Variants in LRP1B observed in about 807,000 individuals in gnomAD.
The protein encoded by LRP1B is low-density lipoprotein receptor-related protein 1B.
A neutral mutation model predicts 556.6 loss-of-function variants in LRP1B; 217 were observed. The ratio of observed to expected loss-of-function variants is 0.39; its 90% CI spans 0.35 to 0.44. The LOEUF (loss-of-function observed/expected upper bound fraction) is 0.44. Among genes scored for constraint, LRP1B ranks in the 20% least tolerant of loss-of-function variants. LRP1B has a pLI of 1.00. For missense variants in LRP1B, 5,053 were observed against 5,620.8 expected (o/e 0.90, Z 3.23); for synonymous variants, 2,047 against 1,865.8 (o/e 1.10, Z -2.50).
At chr2:140,800,520 T>C (rs1328724776) in intron 32 of LRP1B, among the ~76,000 whole-genome samples, 3 of 152,182 alleles carry the variant, frequency 2.0e-5, no homozygotes, top group African/African-American at 7.2e-5. Flanking sequence ...TCTTAGGGGA[T>C]TGCTGCGAGA....
At chr2:140,878,912 C>A (rs1228240480) in intron 25 of LRP1B, among the ~76,000 whole-genome samples, 6 of 151,166 alleles carry the variant, frequency 4.0e-5, no homozygotes, top group Non-Finnish European at 7.4e-5. Context: ...TTGCTTGAAC[C>A]CGGGAGGCAG....
At chr2:141,939,812 C>T (rs1700743419) in intron 1 of LRP1B, among the ~76,000 whole-genome samples, 1 of 152,012 alleles carries the variant, frequency 6.6e-6, no homozygotes, top group Non-Finnish European at 1.5e-5. Context: ...TTGGCAAACA[C>T]TACAATAAGG....
At chr2:141,996,530 C>T (rs898381322) in intron 1 of LRP1B, among the ~76,000 whole-genome samples, 71 of 152,220 alleles carry the variant, frequency 4.7e-4, no homozygotes, top group African/African-American at 1.3e-3. Context: ...TAAACTGTAG[C>T]CATTGAGAGC....
rs1042968737 is a variant in LRP1B, at chr2:141,169,670, C to G, written c.1013+18751G>C. 4.0e-5 allele frequency among the ~76,000 whole-genome samples: 6 copies of G among 151,820 alleles called. No homozygotes were observed. The East Asian group carries it at 1.2e-3, about 30-fold the overall frequency. ...TTTGAGACTTCATCACTTAATGTAT[C>G]AAAATGGACAACTGGAAGCAACCAG... is the stretch of plus-strand genomic sequence containing the variant. On this transcript the variant is annotated intron_variant, in intron 7 of 90. Transcript: ENST00000389484.
At chr2:141,514,036 C>T (rs1425314794) in intron 2 of LRP1B, among the ~76,000 whole-genome samples, 1 of 152,178 alleles carries the variant, frequency 6.6e-6, no homozygotes, top group East Asian at 1.9e-4. Flanking sequence ...GACTCTGCCT[C>T]CTCTCAGTTC....
intron 3 of LRP1B, among the ~76,000 whole-genome samples, chr2:141,329,915 C>T (rs537316298): frequency 1.3e-5 from 2 of 152,118 alleles, no homozygotes; most frequent in South Asian, 4.2e-4. Context: ...TTTGTGTCTA[C>T]CTACTCTACG....
At chr2:141,712,923 C>T (rs551952569) in intron 2 of LRP1B, among the ~76,000 whole-genome samples, 1 of 148,858 alleles carries the variant, frequency 6.7e-6, no homozygotes, top group South Asian at 2.2e-4. Context: ...CATGACCTGC[C>T]TGCCTCAGCC....
rs538481231 is a variant in LRP1B, at chr2:140,266,366, T to C, written c.13247+3876A>G. On this transcript the variant is annotated intron_variant, in intron 86 of 90. Coordinates refer to ENST00000389484, the MANE Select transcript of LRP1B (RefSeq NM_018557.3). ...TCATTGGCACTCTACTCCTTTGATTTGTAGGAATCTACTCTTCAGTAAATC... is the reference window on the plus strand; with the variant it reads ...TCATTGGCACTCTACTCCTTTGATTCGTAGGAATCTACTCTTCAGTAAATC... Among the ~76,000 whole-genome samples, 4 of 152,200 alleles carry C rather than the reference T, an allele frequency of 2.6e-5. No individual in the cohort carries two copies. In the South Asian group the frequency reaches 8.3e-4, roughly 32 times the overall value.
At chr2:141,445,004 A>G (rs182760653) in intron 3 of LRP1B, among the ~76,000 whole-genome samples, 9 of 152,274 alleles carry the variant, frequency 5.9e-5, no homozygotes, top group African/African-American at 1.9e-4. Context: ...AAGGAATGGT[A>G]TCAGCTCCTC....
At chr2:140,561,006 A>T (rs1187633672) in intron 43 of LRP1B, among the ~76,000 whole-genome samples, 1 of 152,072 alleles carries the variant, frequency 6.6e-6, no homozygotes, top group Non-Finnish European at 1.5e-5. Context: ...TGAAGACCTC[A>T]GAAGCAGCCT....
intron 7 of LRP1B, among the ~76,000 whole-genome samples, chr2:141,106,346 G>A (rs1465526255): frequency 6.6e-6 from 1 of 152,048 alleles, no homozygotes; most frequent in Non-Finnish European, 1.5e-5. Context: ...GCTAAGTAAG[G>A]AAAACACCTA....
intron 41 of LRP1B, among the ~76,000 whole-genome samples, chr2:140,636,549 T>C (rs924872396): frequency 3.3e-5 from 5 of 152,170 alleles, no homozygotes; most frequent in Non-Finnish European, 5.9e-5. Context: ...AGTTACAACT[T>C]AAATCTCATT....
chr2:140,493,369 G>A (rs571232206), intron 56 of LRP1B, among the ~76,000 whole-genome samples: 3 of 151,988 alleles, frequency 2.0e-5, no homozygotes, highest in East Asian at 1.9e-4. Flanking sequence ...CATTCTCAAC[G>A]TACAGGAGAC....
At chr2:140,378,372 T>C (rs1408038384) in intron 67 of LRP1B, 86 bp from the exon 68 acceptor site, 2 of 684,758 alleles carry the variant, frequency 2.9e-6, no homozygotes, top group African/African-American at 3.6e-5. Context: ...GAGGTAGCAT[T>C]AAAGAAAAAA....
chr2:141,401,163 A>T (rs1274499453), intron 3 of LRP1B, among the ~76,000 whole-genome samples: 1 of 152,192 alleles, frequency 6.6e-6, no homozygotes, highest in Non-Finnish European at 1.5e-5. Flanking sequence ...ATACTGATTT[A>T]TAATTACCCT....
intron 3 of LRP1B, among the ~76,000 whole-genome samples, chr2:141,464,608 T>A (rs865896060): frequency 0.015 from 710 of 48,270 alleles, 36 homozygotes; most frequent in Middle Eastern, 0.045. Flanking sequence ...ATATATATAT[T>A]TTTTTAGTAG....
chr2:141,276,216 T>G (rs1004871902), intron 3 of LRP1B, among the ~76,000 whole-genome samples: 2 of 152,224 alleles, frequency 1.3e-5, no homozygotes, highest in African/African-American at 4.8e-5. Flanking sequence ...TGGTTTCACA[T>G]AACTATCTTC....
intron 82 of LRP1B, among the ~76,000 whole-genome samples, chr2:140,320,102 A>G (rs973438418): frequency 6.6e-6 from 1 of 152,090 alleles, no homozygotes; most frequent in East Asian, 1.9e-4. Context: ...TCTAAATCCA[A>G]TCTGCCTTTG....
intron 1 of LRP1B, among the ~76,000 whole-genome samples, chr2:142,069,335 G>A (rs1657056398): frequency 1.3e-5 from 2 of 151,512 alleles, no homozygotes; most frequent in South Asian, 4.1e-4. Context: ...TTTAGAACTA[G>A]GATCTTCATA....
Sources: gnomAD v4.1 joint callset for allele counts (sites outside exome capture counted in the v4.1 genomes callset) on GRCh38, gnomAD v4.1.1 for gene constraint, MANE v1.5 for transcripts, NCBI Gene and HGNC (gene_info 2026-07-23, HGNC 2026-07-21) for gene names.